CMIP: variants seen among roughly 807,000 people sequenced by gnomAD.
CMIP encodes c-Maf inducing protein.
In CMIP, 13 loss-of-function variants were observed where a neutral mutation model predicts 97.3. The observed-to-expected ratio is 0.13, with a 90% confidence interval of 0.09 to 0.21. CMIP has a LOEUF of 0.21. Ranked by LOEUF, CMIP falls within the 10% of genes least tolerant of loss-of-function variation. CMIP has a pLI of 1.00. For synonymous variants in CMIP, 538 were observed against 436.3 expected (o/e 1.23, Z -2.91); for missense variants, 847 against 1,024.9 (o/e 0.83, Z 2.37).
At chr16:81,572,638 G>A (rs138503025) in intron 1 of CMIP, among the ~76,000 whole-genome samples, 169 of 152,274 alleles carry the variant, frequency 1.1e-3, no homozygotes, top group African/African-American at 3.9e-3. Context: ...TGCCCGGCCC[G>A]CACATGGTCG....
intron 5 of CMIP, 125 bp downstream of exon 5, chr16:81,657,941 G>C: frequency 1.3e-6 from 1 of 756,446 alleles, no homozygotes. Flanking sequence ...GCTCCGTTTT[G>C]TCTTTTCTAG....
chr16:81,568,632 C>A (rs556872342), intron 1 of CMIP, among the ~76,000 whole-genome samples: 17 of 152,324 alleles, frequency 1.1e-4, no homozygotes, highest in African/African-American at 3.8e-4. Flanking sequence ...ATTTGTTTCT[C>A]GCTTTCAACC....
At chr16:81,493,862 C>G (rs1040599743) in intron 1 of CMIP, among the ~76,000 whole-genome samples, 1 of 152,364 alleles carries the variant, frequency 6.6e-6, no homozygotes, top group Non-Finnish European at 1.5e-5. Context: ...CTTCAGGGCC[C>G]AGGCCTGCCC....
intron 3 of CMIP, among the ~76,000 whole-genome samples, chr16:81,638,302 T>G (rs1312926202): frequency 6.6e-6 from 1 of 152,136 alleles, no homozygotes; most frequent in African/African-American, 2.4e-5. Flanking sequence ...CATACCTTCT[T>G]TGGGGCCACC....
At chr16:81,610,149 C>G (rs1198270446) in intron 2 of CMIP, among the ~76,000 whole-genome samples, 1 of 152,148 alleles carries the variant, frequency 6.6e-6, no homozygotes, top group Non-Finnish European at 1.5e-5. Flanking sequence ...CAAAGGAGGC[C>G]AGAGCATCAC....
intron 3 of CMIP, among the ~76,000 whole-genome samples, chr16:81,646,843 G>A (rs754574770): frequency 2.6e-5 from 4 of 152,288 alleles, no homozygotes; most frequent in Non-Finnish European, 4.4e-5. Context: ...TTGGTTGAAT[G>A]GCTATACCAC....
At position 81,616,517 on chromosome 16, in the gene CMIP, A is replaced by G. The variant is rs1260608989; in HGVS notation, c.427-4359A>G. On this transcript the variant is annotated intron_variant, in intron 2 of 20. Coordinates refer to ENST00000537098, the MANE Select transcript of CMIP (RefSeq NM_198390.3). The surrounding 1 kb of genome is among the most constrained non-coding windows in gnomAD (Gnocchi z 4.7). The stretch of plus-strand genomic sequence containing the variant: ...TAAGCACCCGTGGTCTGTGGTTGGT[A>G]GTGACATGCGTCATCGCACTTAGTT... 6.6e-6 allele frequency among the ~76,000 whole-genome samples: 1 copy of G among 152,208 alleles called. No homozygotes were observed. Among genetic ancestry groups the G allele is most frequent in the Non-Finnish European group, 1.5e-5 (1 of 68,032 alleles).
chr16:81,678,608 C>T lies in CMIP; in HGVS notation c.1368C>T (p.Tyr456=), dbSNP rs34119643. 955 of 1,582,068 alleles carry T rather than the reference C, an allele frequency of 6.0e-4. 1 individual carries two copies. In the African/African-American group the frequency reaches 8.2e-3, roughly 14 times the overall value. The change falls in exon 10 of 21, where the codon TAC becomes TAT. Residue 456 remains tyrosine, a synonymous_variant. Coordinates refer to ENST00000537098, the MANE Select transcript of CMIP (RefSeq NM_198390.3). ...AGGCCGACCGCACGCTCGGCTGCTACGTGGAAATCCTCAAGCTGCTGTGAG... is the reference window on the plus strand; with the variant it reads ...AGGCCGACCGCACGCTCGGCTGCTATGTGGAAATCCTCAAGCTGCTGTGAG... The part of the protein sequence containing the change: ...GPQADRTLGC[Y]VEILKLLSDY...
At chr16:81,625,951 C>A (rs557006717) in intron 3 of CMIP, among the ~76,000 whole-genome samples, 1 of 152,374 alleles carries the variant, frequency 6.6e-6, no homozygotes, top group African/African-American at 2.4e-5. Flanking sequence ...CTGTGTGTCA[C>A]AAGAAGCTGG....
intron 1 of CMIP, among the ~76,000 whole-genome samples, chr16:81,514,813 C>T (rs760758455): frequency 3.2e-4 from 49 of 152,216 alleles, no homozygotes; most frequent in Non-Finnish European, 6.2e-4. Context: ...AATACACAAT[C>T]CTTAGGCTGC....
At chr16:81,680,009 T>C (rs1435069138) in intron 10 of CMIP, among the ~76,000 whole-genome samples, 1 of 152,224 alleles carries the variant, frequency 6.6e-6, no homozygotes, top group Non-Finnish European at 1.5e-5. Context: ...CTCAGGAGTT[T>C]TGAATCCAGA....
chr16:81,687,255 G>A (rs1905507454), intron 10 of CMIP, among the ~76,000 whole-genome samples: 1 of 152,220 alleles, frequency 6.6e-6, no homozygotes, highest in Non-Finnish European at 1.5e-5. Flanking sequence ...GGGATGCAGA[G>A]ATGAGACCTG....
intron 3 of CMIP, among the ~76,000 whole-genome samples, chr16:81,624,913 G>A (rs1225907809): frequency 7.2e-5 from 11 of 152,210 alleles, no homozygotes; most frequent in Non-Finnish European, 1.5e-4. Flanking sequence ...ACTTTGAGCT[G>A]TTCACACACG....
chr16:81,696,809 TGG>T (rs1906780962), intron 14 of CMIP, 142 bp downstream of exon 14: 1 of 679,792 alleles, frequency 1.5e-6, no homozygotes, highest in East Asian at 3.8e-5. Flanking sequence ...AAGGTGGTGG[TGG>T]TGGTGGTGGT....
At chr16:81,676,958 G>A (rs973103509) in intron 9 of CMIP, among the ~76,000 whole-genome samples, 4 of 152,196 alleles carry the variant, frequency 2.6e-5, no homozygotes, top group African/African-American at 4.8e-5. Context: ...CAATCGTGCC[G>A]TTGTGCTCGA....
At chr16:81,564,038 C>G (rs541090290) in intron 1 of CMIP, among the ~76,000 whole-genome samples, 2 of 152,376 alleles carry the variant, frequency 1.3e-5, no homozygotes, top group African/African-American at 4.8e-5. Flanking sequence ...CCATTTCGTC[C>G]TCTCCTTCTA....
At chr16:81,678,130 A>G (rs1597236841) in intron 9 of CMIP, 145 bp from the exon 10 acceptor site, 1 of 672,458 alleles carries the variant, frequency 1.5e-6, no homozygotes, top group East Asian at 2.8e-5. Context: ...GCTGAGCCTC[A>G]GTTTCCTCAT....
At chr16:81,487,545 T>C (rs77104170) in intron 1 of CMIP, among the ~76,000 whole-genome samples, 6,837 of 152,220 alleles carry the variant, frequency 0.045, 182 homozygotes, top group Non-Finnish European at 0.062. Flanking sequence ...AGGCAGCAAC[T>C]CCTCTCCCAA....
chr16:81,673,008 T>C (rs141925797), intron 9 of CMIP, among the ~76,000 whole-genome samples: 240 of 152,316 alleles, frequency 1.6e-3, no homozygotes, highest in African/African-American at 5.5e-3. Context: ...TGCAAGATCA[T>C]GTCAGAGGGT....
Sources: allele counts gnomAD v4.1 joint callset (sites outside exome capture counted in the v4.1 genomes callset), GRCh38; gene constraint gnomAD v4.1.1; non-coding constraint Gnocchi (gnomAD v3.1); transcripts MANE v1.5; gene names NCBI Gene and HGNC (gene_info 2026-07-23, HGNC 2026-07-21).